NEU3: variants seen among roughly 807,000 people sequenced by gnomAD.
NEU3 encodes the protein sialidase-3.
A neutral mutation model predicts 11.4 loss-of-function variants in NEU3; 10 were observed. The ratio of observed to expected loss-of-function variants is 0.88; its 90% confidence interval spans 0.54 to 1.49. NEU3 has a LOEUF of 1.49. NEU3 is among the 40% of genes most tolerant of loss of function. NEU3 has a pLI of 0.00. For missense variants in NEU3, 529 were observed against 581.8 expected, an observed-to-expected ratio of 0.91 and a Z score of 0.93; for synonymous variants, 212 against 228.2, an observed-to-expected ratio of 0.93 and a Z score of 0.64.
chr11:75,017,784 A>G (rs140688893), intron 3 of NEU3, among the ~76,000 whole-genome samples: 1 of 152,222 alleles, frequency 6.6e-6, no homozygotes, highest in African/African-American at 2.4e-5. Context: ...AGCACTCTAG[A>G]CCACTCTCGA....
At chr11:74,982,677 C>T in the NEU3 span, among the ~76,000 whole-genome samples, 1 of 152,108 alleles carries the variant, frequency 6.6e-6, no homozygotes, top group Non-Finnish European at 1.5e-5. Context: ...ACAGGGAAAT[C>T]TGCACATAGA....
At chr11:75,019,581 G>A (rs1191539749), downstream of NEU3, among the ~76,000 whole-genome samples, 1 of 152,212 alleles carries the variant, frequency 6.6e-6, no homozygotes, top group African/African-American at 2.4e-5. Flanking sequence ...AATCATATTA[G>A]CCCATAATGT....
intron 2 of NEU3, among the ~76,000 whole-genome samples, chr11:74,996,098 G>A (rs1314009912): frequency 6.6e-6 from 1 of 152,160 alleles, no homozygotes; most frequent in East Asian, 1.9e-4. Context: ...AGGCTCCAGT[G>A]AGCTGCGATT....
intron 1 of NEU3, among the ~76,000 whole-genome samples, chr11:74,992,243 T>C (rs1948740126): frequency 6.6e-6 from 1 of 152,254 alleles, no homozygotes; most frequent in Admixed American, 6.5e-5. Context: ...GCCACTTTTG[T>C]GTTTTTCTAC....
At chr11:74,993,802 AG>A (rs1057441056) in intron 1 of NEU3, among the ~76,000 whole-genome samples, 3 of 152,060 alleles carry the variant, frequency 2.0e-5, no homozygotes, top group Admixed American at 1.3e-4. Context: ...TCACATGGCA[AG>A]GGGGCTGATT....
At chr11:74,997,631 G>T (rs1473933747) in intron 2 of NEU3, among the ~76,000 whole-genome samples, 1 of 148,594 alleles carries the variant, frequency 6.7e-6, no homozygotes, top group African/African-American at 2.5e-5. Context: ...GGATCACGAG[G>T]TCAGGAGTTC....
rs962071453 is a variant in NEU3 at position 75,005,748 on chromosome 11, C to G, written c.642C>G (p.Tyr214Ter). The G allele has an allele frequency of 3.1e-6, 5 of 1,613,894 alleles. No homozygotes were observed. Among genetic ancestry groups the G allele is most frequent in the Non-Finnish European group, 4.2e-6 (5 of 1,179,782 alleles). Residue 214 changes from tyrosine to a stop codon, truncating the protein, a stop_gained, in exon 3 of 3, where the codon TAC becomes TAG. Transcript: ENST00000294064. LOFTEE classifies it low-confidence loss of function (END_TRUNC). ...GACTGGTCATCCCTGCGTATACCTA[C>G]TACATCCCTTCCTGGTTCTTTTGCT... ...SGRLVIPAYT[Y>*]YIPSWFFCFQ...
At chr11:74,994,817 A>T (rs1405422617) in intron 2 of NEU3, 97 bp downstream of exon 2, 1 of 1,163,786 alleles carries the variant, frequency 8.6e-7, no homozygotes. Context: ...AGTACAGGAA[A>T]GCCCTGTGTG....
chr11:74,982,991 C>A, the NEU3 span, among the ~76,000 whole-genome samples: 1 of 152,040 alleles, frequency 6.6e-6, no homozygotes, highest in South Asian at 2.1e-4. Context: ...GGTTTGGGTG[C>A]CCATAGGGGA....
chr11:74,993,897 T>G (rs965265923), intron 1 of NEU3, among the ~76,000 whole-genome samples: 1 of 152,118 alleles, frequency 6.6e-6, no homozygotes, highest in African/African-American at 2.4e-5. Context: ...CATCCATTCA[T>G]GAGGACAGAG....
chr11:75,017,961 T>C (rs1309970500), intron 3 of NEU3, among the ~76,000 whole-genome samples: 1 of 152,170 alleles, frequency 6.6e-6, no homozygotes, highest in Non-Finnish European at 1.5e-5. Flanking sequence ...ATTAAGGTTA[T>C]GCTTGCAATG....
chr11:75,000,776 AATTTATTT>A lies in NEU3; in HGVS notation c.307-4601_307-4594del, dbSNP rs61008511. 4.0e-3 allele frequency among the ~76,000 whole-genome samples: 535 copies of A among 134,526 alleles called. 3 individuals carry two copies. Among genetic ancestry groups the A allele is most frequent in the East Asian group, 6.7e-3 (31 of 4,622 alleles). The allele number at this position is 134,526 out of a possible 152,430, so 88.3% of individuals were successfully genotyped here. A position where few individuals can be genotyped will look rare whatever the true frequency, so the allele number is the denominator to read the frequency against. ...CAAGTGTGTGCCACCATACCCAGCTAATTTATTTATTTATTTATTTATTTATTTATTTA... is the reference window on the plus strand; with the variant it reads ...CAAGTGTGTGCCACCATACCCAGCTAATTTATTTATTTATTTATTTATTTA... On this transcript the variant is annotated intron_variant, in intron 2 of 2. Coordinates refer to ENST00000294064, the MANE Select transcript of NEU3 (RefSeq NM_006656.6).
At chr11:75,005,375 A>G (rs369962965) in intron 2 of NEU3, 38 bp from the exon 3 acceptor site, 18 of 1,505,714 alleles carry the variant, frequency 1.2e-5, no homozygotes, top group Middle Eastern at 1.8e-4. Context: ...TTTTCCTATT[A>G]GTATCTCACT....
intron 3 of NEU3, chr11:75,018,572 C>T (rs1948990558): frequency 6.6e-6 from 1 of 152,244 alleles, no homozygotes; most frequent in African/African-American, 2.4e-5. Context: ...AGTTTTGGGA[C>T]TCAGACTGGC....
At chr11:74,997,672 C>T (rs1343765072) in intron 2 of NEU3, among the ~76,000 whole-genome samples, 7 of 137,858 alleles carry the variant, frequency 5.1e-5, no homozygotes, top group Admixed American at 7.9e-5. Context: ...GCTGAAATCC[C>T]GTCTCTACTA....
At chr11:75,013,712 A>G (rs1441531738), downstream of NEU3, among the ~76,000 whole-genome samples, 1 of 152,228 alleles carries the variant, frequency 6.6e-6, no homozygotes, top group Non-Finnish European at 1.5e-5. Flanking sequence ...CAAGGGAAAT[A>G]ACATTTGTAA....
downstream of NEU3, among the ~76,000 whole-genome samples, chr11:75,013,907 A>G (rs1007845069): frequency 5.9e-5 from 9 of 152,134 alleles, no homozygotes; most frequent in African/African-American, 1.7e-4. Context: ...CTGAGGGGCA[A>G]TGTTTACCTT....
At chr11:74,987,348 A>C (rs768611290), upstream of NEU3, among the ~76,000 whole-genome samples, 1 of 152,108 alleles carries the variant, frequency 6.6e-6, no homozygotes, top group Non-Finnish European at 1.5e-5. Flanking sequence ...CAGTGGAATC[A>C]CCTTCAAATT....
Position 75,006,816 on chromosome 11 carries a change from A to G in NEU3, c.*324A>G. 1 of 250,728 alleles carries G rather than the reference A, an allele frequency of 4.0e-6. No individual in the cohort carries two copies. Among genetic ancestry groups the G allele is most frequent in the Non-Finnish European group, 7.7e-6 (1 of 130,278 alleles). 15.5% of individuals were successfully genotyped at this position (250,728 alleles called of 1,614,324 possible). On this transcript the variant is annotated 3_prime_UTR_variant, in exon 3 of 3. Coordinates refer to ENST00000294064, the MANE Select transcript of NEU3 (RefSeq NM_006656.6). ...TGGTTCTAAGATTTCTCATCTTCTCATCCCTAGGACAAGCATAGTGCCTGC... is the reference window on the plus strand; with the variant it reads ...TGGTTCTAAGATTTCTCATCTTCTCGTCCCTAGGACAAGCATAGTGCCTGC...
Sources: gnomAD v4.1 joint callset for allele counts (sites outside exome capture counted in the v4.1 genomes callset) on GRCh38, gnomAD v4.1.1 for gene constraint, MANE v1.5 for transcripts, NCBI Gene and HGNC (gene_info 2026-07-23, HGNC 2026-07-21) for gene names.